The following SP2 variants were observed in gnomAD, a reference collection of about 807,000 sequenced individuals.
SP2 encodes Sp2 transcription factor, also known as transcription factor Sp2.
Under a neutral mutation model 50.1 loss-of-function variants are expected in SP2, and 9 were observed. The ratio of observed to expected loss-of-function variants is 0.18; its 90% CI spans 0.11 to 0.31. The LOEUF (loss-of-function observed/expected upper bound fraction) is 0.31. Ranked by LOEUF, SP2 falls within the 10% of genes least tolerant of loss-of-function variation. The pLI, the probability that SP2 is intolerant of heterozygous loss-of-function variation, is 1.00. For missense variants in SP2, 581 were observed against 806.5 expected (o/e 0.72, Z 3.39); for synonymous variants, 313 against 326.6 (o/e 0.96, Z 0.45).
chr17:47,931,524 T>C (rs2035818252), downstream of SP2, among the ~76,000 whole-genome samples: 1 of 152,094 alleles, frequency 6.6e-6, no homozygotes, highest in Admixed American at 6.6e-5. Flanking sequence ...CCTGAGCGGA[T>C]GGATGAAAGC....
At chr17:47,906,085 C>T (rs2034748858) in intron 1 of SP2, among the ~76,000 whole-genome samples, 1 of 152,096 alleles carries the variant, frequency 6.6e-6, no homozygotes, top group African/African-American at 2.4e-5. Flanking sequence ...ATGGGATTTG[C>T]ACTTTAAAAA....
At position 47,926,548 on chromosome 17, in the gene SP2, A is replaced by G. The variant is rs186465305; in HGVS notation, c.1741+1007A>G. On this transcript the variant is annotated intron_variant, in intron 6 of 6. Transcript: ENST00000376741. ...CCTGGTCTCAAACTCCTGGACTCAG[A>G]TGATCCTCCCTCTTCTGCCTCCCAA... 5.8e-3 allele frequency among the ~76,000 whole-genome samples: 884 copies of G among 152,068 alleles called. 11 individuals carry two copies. Among genetic ancestry groups the G allele is most frequent in the African/African-American group, 0.019 (798 of 41,484 alleles).
chr17:47,907,557 G>A (rs2034812504), intron 1 of SP2, among the ~76,000 whole-genome samples: 1 of 152,164 alleles, frequency 6.6e-6, no homozygotes, highest in Non-Finnish European at 1.5e-5. Context: ...TTAATGAAAA[G>A]TCTGAATGAT....
rs2143953836 is a variant in SP2, at chr17:47,916,178, C to T, written c.107C>T (p.Ala36Val). 4 of 1,611,828 alleles carry T rather than the reference C, an allele frequency of 2.5e-6. No individual in the cohort carries two copies. The highest frequency in any genetic ancestry group is 3.4e-6 in the Non-Finnish European group (4 of 1,178,756). Reference protein sequence around the residue: ...TTQDSQPSPLALLAATCSKIG... With the variant: ...TTQDSQPSPLVLLAATCSKIG... ...CAGGACTCCCAGCCATCTCCCTTAG[C>T]CCTGCTTGCTGCAACATGTAGCAAA... The change falls in exon 3 of 7, where the codon GCC becomes GTC. Residue 36 changes from alanine (A) to valine (V), a missense_variant. Physicochemically the swap from Ala to Val is moderately conservative, Grantham distance 64. This residue lies in a region of SP2 where 397 missense variants were observed against 491.0 expected (regional missense o/e 0.81). Transcript: ENST00000376741. The surrounding 1 kb of genome is among the most constrained non-coding windows in gnomAD (Gnocchi z 4.7).
chr17:47,900,852 TAAAG>T (rs1288329161), intron 1 of SP2, among the ~76,000 whole-genome samples: 1 of 152,234 alleles, frequency 6.6e-6, no homozygotes, highest in Non-Finnish European at 1.5e-5. Context: ...CCAAAGCACA[TAAAG>T]AGATTCTTTA....
intron 1 of SP2, chr17:47,897,704 G>A (rs935429331): frequency 4.4e-5 from 10 of 225,156 alleles, no homozygotes; most frequent in Non-Finnish European, 7.4e-5. Context: ...TAATGGTGGA[G>A]TCCAGACCAC....
At chr17:47,917,291 C>T (rs1421989355) in intron 3 of SP2, among the ~76,000 whole-genome samples, 161 bp downstream of exon 3, 1 of 152,110 alleles carries the variant, frequency 6.6e-6, no homozygotes, top group Non-Finnish European at 1.5e-5. Context: ...CAAATGGGCT[C>T]TCTTTAGTTC....
Position 47,896,414 on chromosome 17 carries a change from G to C in SP2, c.7+121G>C, listed in dbSNP as rs955572556. ...CCCCCCTGGGGCTGGGTCTGGCGTC[G>C]GGGCCCGGCTTCAGGAGGGGCGGGG... On this transcript the variant is annotated intron_variant, in intron 1 of 6. Transcript: ENST00000376741. 7.3e-6 allele frequency: 6 copies of C among 823,990 alleles called. No homozygotes were observed. In the African/African-American group the frequency reaches 8.8e-5, roughly 12 times the overall value. The allele number at this position is 823,990 out of a possible 1,614,324, so 51.0% of individuals were successfully genotyped here.
intron 1 of SP2, among the ~76,000 whole-genome samples, chr17:47,907,578 A>G (rs1308342735): frequency 6.6e-5 from 10 of 152,212 alleles, no homozygotes; most frequent in Non-Finnish European, 1.5e-4. Context: ...ATAACTTTGA[A>G]AGCAATGCAG....
At chr17:47,898,231 C>G (rs1275270031) in intron 1 of SP2, 1 of 152,150 alleles carries the variant, frequency 6.6e-6, no homozygotes, top group Non-Finnish European at 1.5e-5. Flanking sequence ...TCTGGAGAGG[C>G]CTGTCAGAGA....
chr17:47,900,313 G>A (rs1284546413), intron 1 of SP2: 1 of 152,230 alleles, frequency 6.6e-6, no homozygotes, highest in African/African-American at 2.4e-5. Flanking sequence ...TGAGCAGGCA[G>A]GCCATGTAAT....
At chr17:47,907,736 C>T (rs1358254360) in intron 1 of SP2, among the ~76,000 whole-genome samples, 1 of 152,116 alleles carries the variant, frequency 6.6e-6, no homozygotes, top group Non-Finnish European at 1.5e-5. Context: ...CTAAGGGTCC[C>T]TTTGCAATCT....
At chr17:47,918,333 C>G (rs1426328908) in intron 3 of SP2, 1 of 152,196 alleles carries the variant, frequency 6.6e-6, no homozygotes, top group Non-Finnish European at 1.5e-5. Context: ...AGTCATTTAT[C>G]ACAATATCTG....
rs994146829 is a variant in SP2 at position 47,904,584 on chromosome 17, G to T, written c.7+8291G>T. Among the ~76,000 whole-genome samples, 7 of 152,074 alleles carry T rather than the reference G, an allele frequency of 4.6e-5. No homozygotes were observed. In the East Asian group the frequency reaches 1.2e-3, roughly 25 times the overall value. ...GATGGCGGAGTGGGGGGAGATGGGA[G>T]GCTCAGTAAAGGGTTAATGTGGAGA... is the stretch of plus-strand genomic sequence containing the variant. On this transcript the variant is annotated intron_variant, in intron 1 of 6. Transcript: ENST00000376741.
chr17:47,927,745 C>T lies in SP2; in HGVS notation c.1763C>T (p.Ala588Val). Residue 588 changes from alanine (A) to valine (V), a missense_variant, in exon 7 of 7, where the codon GCC becomes GTC. Coordinates refer to ENST00000376741, the MANE Select transcript of SP2 (RefSeq NM_003110.6). ...CCAGGGGACAAACGCTTCGAGTGCG[C>T]CCAGTGTCAGAAGCGCTTCATGAGG... is the stretch of plus-strand genomic sequence containing the variant. ...THTGDKRFEC[A>V]QCQKRFMRSD... 1 of 1,590,528 alleles carries T rather than the reference C, an allele frequency of 6.3e-7. No homozygotes were observed. The highest frequency in any genetic ancestry group is 8.6e-7 in the Non-Finnish European group (1 of 1,167,848).
rs1402376874 is a variant in SP2 at position 47,916,018 on chromosome 17, G to T, written c.85-138G>T. 1.1e-6 allele frequency: 1 copy of T among 947,600 alleles called. No homozygotes were observed. Among genetic ancestry groups the T allele is most frequent in the African/African-American group, 1.6e-5 (1 of 60,836 alleles). 58.7% of individuals were successfully genotyped at this position (947,600 alleles called of 1,614,324 possible). A position where few individuals can be genotyped will look rare whatever the true frequency, so the allele number is the denominator to read the frequency against. On this transcript the variant is annotated intron_variant, in intron 2 of 6. Coordinates refer to ENST00000376741, the MANE Select transcript of SP2 (RefSeq NM_003110.6). The surrounding 1 kb of genome is among the most constrained non-coding windows in gnomAD (Gnocchi z 4.7). ...AAGGGGAGACAGCAGCCAAGCAGGGGAGGGTACTGGCAACATGCCTGCCCC... is the reference window on the plus strand; with the variant it reads ...AAGGGGAGACAGCAGCCAAGCAGGGTAGGGTACTGGCAACATGCCTGCCCC...
chr17:47,921,843 A>G lies in SP2; in HGVS notation c.1060-1119A>G, dbSNP rs187520712. ...CTAGGTAAGCTCATTGCTACTGGGC[A>G]TGGCTGGTCCCAGCCCTTCTCAATG... is the stretch of plus-strand genomic sequence containing the variant. On this transcript the variant is annotated intron_variant, in intron 3 of 6. Coordinates refer to ENST00000376741, the MANE Select transcript of SP2 (RefSeq NM_003110.6). Among the ~76,000 whole-genome samples the G allele has an allele frequency of 3.0e-3, 452 of 152,352 alleles. 2 individuals are homozygous for G. Among genetic ancestry groups the G allele is most frequent in the African/African-American group, 0.01 (433 of 41,592 alleles).
At chr17:47,905,670 A>G (rs1243960310) in intron 1 of SP2, among the ~76,000 whole-genome samples, 1 of 152,178 alleles carries the variant, frequency 6.6e-6, no homozygotes, top group Non-Finnish European at 1.5e-5. Flanking sequence ...GCTCTCCCCA[A>G]GTCAGGCCTA....
chr17:47,916,965 C>T lies in SP2; in HGVS notation c.894C>T (p.Val298=). The T allele has an allele frequency of 6.2e-7, 1 of 1,614,170 alleles. No homozygotes were observed. The highest frequency in any genetic ancestry group is 8.5e-7 in the Non-Finnish European group (1 of 1,180,008). ...CTGGTGGGGGCCAGCCAGCTGTGGTCCAGCAGGTCCAGGTGGTGCCCCCCA... is the reference window on the plus strand; with the variant it reads ...CTGGTGGGGGCCAGCCAGCTGTGGTTCAGCAGGTCCAGGTGGTGCCCCCCA... ...QSPGGGQPAV[V]QQVQVVPPKA... is the part of the protein sequence containing the mutation. Residue 298 remains valine, a synonymous_variant, in exon 3 of 7, where the codon GTC becomes GTT. Coordinates refer to ENST00000376741, the MANE Select transcript of SP2 (RefSeq NM_003110.6). The surrounding 1 kb of genome is among the most constrained non-coding windows in gnomAD (Gnocchi z 4.7).
Sources: gnomAD v4.1 joint callset for allele counts (sites outside exome capture counted in the v4.1 genomes callset) on GRCh38, gnomAD v4.1.1 for gene constraint, gnomAD v4.1.1 regional missense constraint, Gnocchi (gnomAD v3.1) non-coding constraint, MANE v1.5 for transcripts, NCBI Gene and HGNC (gene_info 2026-07-23, HGNC 2026-07-21) for gene names.